Variants in PDGFRL observed in about 807,000 individuals in gnomAD.
PDGFRL encodes platelet-derived growth factor receptor-like protein.
Under a neutral mutation model 37.2 loss-of-function variants are expected in PDGFRL, and 46 were observed. That is an observed-to-expected ratio of 1.24 (90% CI 0.98 to 1.58). The LOEUF (loss-of-function observed/expected upper bound fraction) is 1.58, where lower values mean the gene tolerates loss of function less well. Ranked by LOEUF, PDGFRL falls within the 40% of genes most tolerant of loss-of-function variation. The pLI is 0.00. For missense variants in PDGFRL, 692 were observed against 467.6 expected (o/e 1.48, Z -4.43); for synonymous variants, 251 against 184.3 (o/e 1.36, Z -2.93).
chr8:17,626,732 A>G (rs911429700), intron 3 of PDGFRL, among the ~76,000 whole-genome samples: 6 of 152,310 alleles, frequency 3.9e-5, no homozygotes, highest in African/African-American at 1.4e-4. Flanking sequence ...TCAATGTACC[A>G]TGCCAAAAAA....
intron 5 of PDGFRL, among the ~76,000 whole-genome samples, chr8:17,636,482 A>G (rs1376625210): frequency 6.6e-6 from 1 of 151,278 alleles, no homozygotes; most frequent in Non-Finnish European, 1.5e-5. Flanking sequence ...TGCTATTTTT[A>G]TACCAGTACC....
intron 4 of PDGFRL, among the ~76,000 whole-genome samples, chr8:17,631,978 C>T (rs1167904805): frequency 5.9e-5 from 9 of 152,200 alleles, no homozygotes; most frequent in East Asian, 3.9e-4. Flanking sequence ...ATCAGGTCCA[C>T]GTGTCCGCCG....
chr8:17,578,023 G>A (rs1275854871), intron 1 of PDGFRL, among the ~76,000 whole-genome samples: 3 of 151,796 alleles, frequency 2.0e-5, no homozygotes, highest in Non-Finnish European at 4.4e-5. Context: ...GTGTACACCC[G>A]TGACCACAGG....
At chr8:17,619,055 C>T (rs748694303) in intron 2 of PDGFRL, among the ~76,000 whole-genome samples, 5 of 152,144 alleles carry the variant, frequency 3.3e-5, no homozygotes, top group Admixed American at 1.3e-4. Flanking sequence ...AACAGGGCTG[C>T]GTTCAGGACC....
At chr8:17,606,107 C>T (rs534562644) in intron 2 of PDGFRL, among the ~76,000 whole-genome samples, 2 of 152,254 alleles carry the variant, frequency 1.3e-5, no homozygotes, top group South Asian at 4.1e-4. Context: ...AGAAGAATCC[C>T]ACCATTGAGA....
intron 2 of PDGFRL, among the ~76,000 whole-genome samples, chr8:17,608,178 C>T (rs1318220329): frequency 1.3e-4 from 20 of 152,180 alleles, no homozygotes; most frequent in Non-Finnish European, 2.8e-4. Flanking sequence ...TCCTGATTTG[C>T]CCCTGGTCTC....
At chr8:17,616,352 G>A (rs545548073) in intron 2 of PDGFRL, among the ~76,000 whole-genome samples, 6 of 151,888 alleles carry the variant, frequency 4.0e-5, no homozygotes, top group African/African-American at 7.3e-5. Flanking sequence ...GCACCACCGC[G>A]CCCAGCTAAT....
chr8:17,635,572 G>A (rs190700106), intron 5 of PDGFRL, among the ~76,000 whole-genome samples: 143 of 152,264 alleles, frequency 9.4e-4, no homozygotes, highest in African/African-American at 3.3e-3. Flanking sequence ...CTTGTGAATT[G>A]TACTGCTGTA....
At chr8:17,580,779 G>C (rs1177053873) in intron 1 of PDGFRL, among the ~76,000 whole-genome samples, 1 of 152,098 alleles carries the variant, frequency 6.6e-6, no homozygotes, top group Non-Finnish European at 1.5e-5. Context: ...GTCAGTGTCA[G>C]CAGCACCACA....
At chr8:17,591,330 C>T (rs937859083) in intron 2 of PDGFRL, among the ~76,000 whole-genome samples, 9 of 152,102 alleles carry the variant, frequency 5.9e-5, no homozygotes, top group Admixed American at 1.3e-4. Flanking sequence ...ATGGTGACAG[C>T]GGCAAGTGTG....
At chr8:17,621,236 A>G in intron 3 of PDGFRL, 34 bp downstream of exon 3, 1 of 1,522,214 alleles carries the variant, frequency 6.6e-7, no homozygotes, top group Non-Finnish European at 9.0e-7. Flanking sequence ...GAACTCTTCA[A>G]ACTTCTGGAC....
chr8:17,581,043 A>T (rs1408131800), intron 1 of PDGFRL, among the ~76,000 whole-genome samples: 2 of 151,996 alleles, frequency 1.3e-5, no homozygotes, highest in African/African-American at 4.8e-5. Context: ...ACTTGATTAC[A>T]TTTGCAAAGA....
chr8:17,604,240 TAC>T (rs796342112), intron 2 of PDGFRL, among the ~76,000 whole-genome samples: 6 of 152,302 alleles, frequency 3.9e-5, no homozygotes, highest in African/African-American at 1.4e-4. Flanking sequence ...ACTGGGTATA[TAC>T]CCAAAGAGTT....
chr8:17,597,475 T>A (rs564451467), intron 2 of PDGFRL, among the ~76,000 whole-genome samples: 2 of 152,136 alleles, frequency 1.3e-5, no homozygotes, highest in Middle Eastern at 3.2e-3. Flanking sequence ...GAGCAATTAA[T>A]GAAGAAGAAG....
intron 2 of PDGFRL, among the ~76,000 whole-genome samples, chr8:17,598,372 A>G (rs1295348417): frequency 6.6e-6 from 1 of 152,202 alleles, no homozygotes; most frequent in Non-Finnish European, 1.5e-5. Flanking sequence ...TCCCTCCTGA[A>G]AGAATAAACC....
chr8:17,604,459 A>G (rs903713386), intron 2 of PDGFRL, among the ~76,000 whole-genome samples: 22 of 152,120 alleles, frequency 1.4e-4, no homozygotes, highest in African/African-American at 5.1e-4. Flanking sequence ...GCTGGAAACC[A>G]TCATTCTCAG....
intron 2 of PDGFRL, among the ~76,000 whole-genome samples, chr8:17,597,583 G>A (rs1274650716): frequency 6.6e-6 from 1 of 152,032 alleles, no homozygotes; most frequent in Non-Finnish European, 1.5e-5. Context: ...GAATGTCACA[G>A]TTGCTTACTA....
At chr8:17,608,822 G>C (rs1804342371) in intron 2 of PDGFRL, among the ~76,000 whole-genome samples, 1 of 152,164 alleles carries the variant, frequency 6.6e-6, no homozygotes, top group East Asian at 1.9e-4. Context: ...AGAGAAGGCA[G>C]CTGTGAGCAG....
chr8:17,603,520 C>T (rs1312506471), intron 2 of PDGFRL, among the ~76,000 whole-genome samples: 2 of 152,204 alleles, frequency 1.3e-5, no homozygotes, highest in Non-Finnish European at 2.9e-5. Flanking sequence ...ATCCCATAAA[C>T]ATCTCCTGTC....
Sources: allele counts gnomAD v4.1 joint callset (sites outside exome capture counted in the v4.1 genomes callset), GRCh38; gene constraint gnomAD v4.1.1; transcripts MANE v1.5; gene names NCBI Gene and HGNC (gene_info 2026-07-23, HGNC 2026-07-21).